Variants in RGSL1 observed in about 807,000 individuals in gnomAD.
RGSL1 encodes regulator of G protein signaling protein-like.
Under a neutral mutation model 124.7 loss-of-function variants are expected in RGSL1, and 97 were observed. The ratio of observed to expected loss-of-function variants is 0.78; its 90% CI spans 0.66 to 0.92. The LOEUF (loss-of-function observed/expected upper bound fraction) is 0.92, where lower values mean the gene tolerates loss of function less well. Among genes scored for constraint, RGSL1 ranks in the 40% least tolerant of loss-of-function variants. The pLI, the probability that RGSL1 is intolerant of heterozygous loss-of-function variation, is 0.00. For missense variants in RGSL1, 1,233 were observed against 1,288.4 expected (o/e 0.96, Z 0.66); for synonymous variants, 424 against 438.1 (o/e 0.97, Z 0.40).
In RGSL1 at chr1:182,451,572, A is replaced by G. The variant is rs1286367319; in HGVS notation, c.13+1394A>G. Among the ~76,000 whole-genome samples, 4 of 139,342 alleles carry G rather than the reference A, an allele frequency of 2.9e-5. No homozygotes were observed. The East Asian group carries it at 8.3e-4, about 29-fold the overall frequency. 91.4% of individuals were successfully genotyped at this position (139,342 alleles called of 152,430 possible). ...GTACCTAGCACATGCAGGAAACAGC[A>G]ATGCCTTGGCTTAGCTTGCAAACAG... is the stretch of plus-strand genomic sequence containing the variant. On this transcript the variant is annotated intron_variant, in intron 1 of 21. Transcript: ENST00000294854.
In RGSL1 at chr1:182,554,704, G is replaced by C. The variant is rs187073491; in HGVS notation, c.3197+11G>C. On this transcript the variant is annotated intron_variant, in intron 20 of 21. Transcript: ENST00000294854. ...GCATCCCGTCCAGGGGTAGGCATGA[G>C]CTGGAAATCCTCTTCTTCAGTCCAG... The C allele has an allele frequency of 6.4e-7, 1 of 1,551,530 alleles. No individual in the cohort carries two copies. The highest frequency in any genetic ancestry group is 8.7e-7 in the Non-Finnish European group (1 of 1,146,900).
upstream of RGSL1, among the ~76,000 whole-genome samples, chr1:182,449,537 G>A (rs759407624): frequency 5.9e-5 from 9 of 152,196 alleles, no homozygotes; most frequent in Non-Finnish European, 8.8e-5. Context: ...TCCTATTAGG[G>A]AAGAACAGGA....
At chr1:182,493,306 A>G in intron 9 of RGSL1, among the ~76,000 whole-genome samples, 177 bp downstream of exon 9, 1 of 152,214 alleles carries the variant, frequency 6.6e-6, no homozygotes, top group East Asian at 1.9e-4. Context: ...GAAACCACAG[A>G]AGAGCATCAT....
chr1:182,453,299 AT>A (rs1344764397), intron 1 of RGSL1: 1 of 152,234 alleles, frequency 6.6e-6, no homozygotes, highest in African/African-American at 2.4e-5. Context: ...GGTTTCTGAA[AT>A]GTGACCTCAT....
chr1:182,536,345 T>C (rs1659537917), intron 14 of RGSL1, among the ~76,000 whole-genome samples: 1 of 152,208 alleles, frequency 6.6e-6, no homozygotes, highest in Non-Finnish European at 1.5e-5. Flanking sequence ...GTGGTAAGTA[T>C]ATGTTAAACT....
chr1:182,497,176 A>AC (rs1655979267), intron 9 of RGSL1, among the ~76,000 whole-genome samples: 2 of 151,930 alleles, frequency 1.3e-5, no homozygotes, highest in African/African-American at 4.8e-5. Flanking sequence ...ATCCTACATC[A>AC]ATGTGAACTG....
At chr1:182,496,643 G>T (rs550230851) in intron 9 of RGSL1, among the ~76,000 whole-genome samples, 8 of 152,292 alleles carry the variant, frequency 5.3e-5, no homozygotes, top group Non-Finnish European at 7.4e-5. Context: ...AAGTGTTAGG[G>T]CTATTTATAC....
intron 1 of RGSL1, among the ~76,000 whole-genome samples, chr1:182,451,359 T>C (rs558980933): frequency 6.6e-6 from 1 of 152,244 alleles, no homozygotes; most frequent in East Asian, 1.9e-4. Flanking sequence ...ATGGAGGATA[T>C]ACGTGATGGT....
At chr1:182,547,747 G>C (rs571861415) in intron 15 of RGSL1, among the ~76,000 whole-genome samples, 139 of 152,252 alleles carry the variant, frequency 9.1e-4, no homozygotes, top group Non-Finnish European at 1.7e-3. Flanking sequence ...TGTAGTCCCA[G>C]CTACTCAGGA....
At chr1:182,531,337 A>G (rs1659158926) in intron 13 of RGSL1, among the ~76,000 whole-genome samples, 1 of 152,314 alleles carries the variant, frequency 6.6e-6, no homozygotes, top group Non-Finnish European at 1.5e-5. Context: ...AAGTGCTGAG[A>G]ACACCATTTC....
At chr1:182,549,556 T>A (rs907938379) in intron 17 of RGSL1, 4 of 152,250 alleles carry the variant, frequency 2.6e-5, no homozygotes, top group African/African-American at 4.8e-5. Context: ...CCAGCTCATA[T>A]CTTCCACATG....
At position 182,549,036 on chromosome 1, in the gene RGSL1, G is replaced by T; in HGVS notation, c.2933+212G>T. ...CAGATGGAAGGCAGAGTAAGACTGA[G>T]AGCCAAACGCCTGGTTTCCCACCCC... On this transcript the variant is annotated intron_variant, in intron 17 of 21. Transcript: ENST00000294854. 2.6e-5 allele frequency: 13 copies of T among 508,312 alleles called. No individual in the cohort carries two copies. The South Asian group carries it at 2.7e-4, about 11-fold the overall frequency. 31.5% of individuals were successfully genotyped at this position (508,312 alleles called of 1,614,324 possible). A position where few individuals can be genotyped will look rare whatever the true frequency, so the allele number is the denominator to read the frequency against.
rs1168318065 is a variant in RGSL1 at position 182,474,243 on chromosome 1, G to A, written c.1132G>A (p.Ala378Thr). 5 of 1,551,884 alleles carry A rather than the reference G, an allele frequency of 3.2e-6. No individual in the cohort carries two copies. Among genetic ancestry groups the A allele is most frequent in the Non-Finnish European group, 4.4e-6 (5 of 1,147,012 alleles). ...CATCCACTTGGCCTTGTGTGCTGAT[G>A]CCTGTGCAGGGAACCCTTTCCGGGA... ...GYIHLALCAD[A>T]CAGNPFRDHL... is the part of the protein sequence containing the mutation. Residue 378 changes from alanine to threonine, a missense_variant, in exon 6 of 22, where the codon GCC becomes ACC. By Grantham distance (58) the Ala-to-Thr change is moderately conservative. Coordinates refer to ENST00000294854, the MANE Select transcript of RGSL1 (RefSeq NM_001137669.2).
At chr1:182,498,183 T>C (rs2102134614) in intron 9 of RGSL1, among the ~76,000 whole-genome samples, 1 of 152,334 alleles carries the variant, frequency 6.6e-6, no homozygotes, top group African/African-American at 2.4e-5. Context: ...TTTTATTCAA[T>C]GGGTTATAAT....
intron 9 of RGSL1, among the ~76,000 whole-genome samples, chr1:182,513,453 A>G (rs189528146): frequency 8.1e-4 from 123 of 152,328 alleles, no homozygotes; most frequent in African/African-American, 2.8e-3. Context: ...AGATTACAGA[A>G]ATAAGAAGTG....
intron 15 of RGSL1, among the ~76,000 whole-genome samples, chr1:182,545,833 C>T (rs1660177254): frequency 6.6e-6 from 1 of 152,030 alleles, no homozygotes; most frequent in Non-Finnish European, 1.5e-5. Flanking sequence ...TCTTTTTCTG[C>T]TTTTAGGATT....
intron 4 of RGSL1, among the ~76,000 whole-genome samples, chr1:182,467,653 A>C (rs1202944693): frequency 6.6e-6 from 1 of 152,244 alleles, no homozygotes; most frequent in African/African-American, 2.4e-5. Context: ...TAGACCTAAA[A>C]CCATAAAATC....
intron 9 of RGSL1, among the ~76,000 whole-genome samples, chr1:182,518,295 C>T (rs1271682678): frequency 6.6e-6 from 1 of 152,124 alleles, no homozygotes; most frequent in East Asian, 1.9e-4. Context: ...GGTACCTAAA[C>T]CTCAGAATTG....
At position 182,473,593 on chromosome 1, in the gene RGSL1, C is replaced by G. The variant is rs1183118321; in HGVS notation, c.482C>G (p.Ser161Cys). The change falls in exon 6 of 22, where the codon TCC becomes TGC. Residue 161 changes from serine to cysteine, a missense_variant. By Grantham distance (112) the Ser-to-Cys change is moderately radical (BLOSUM62 -1). Coordinates refer to ENST00000294854, the MANE Select transcript of RGSL1 (RefSeq NM_001137669.2). ...TTTCCAGAGTCCCTCCTGAACCTCT[C>G]CATCTGGCATCCCAACCAATCAACC... is the stretch of plus-strand genomic sequence containing the variant. ...NMNIKSLLNL[S>C]IWHPNQSTTR... The G allele has an allele frequency of 1.3e-6, 2 of 1,546,848 alleles. No individual in the cohort carries two copies. The highest frequency in any genetic ancestry group is 2.4e-5 in the South Asian group (2 of 83,124).
Sources: allele counts gnomAD v4.1 joint callset (sites outside exome capture counted in the v4.1 genomes callset), GRCh38; gene constraint gnomAD v4.1.1; transcripts MANE v1.5; gene names NCBI Gene and HGNC (gene_info 2026-07-23, HGNC 2026-07-21).